Variants in THSD7A observed in about 807,000 individuals in gnomAD.
THSD7A encodes the protein thrombospondin type-1 domain-containing protein 7A.
A neutral mutation model predicts 231.3 loss-of-function variants in THSD7A; 96 were observed. The ratio of observed to expected loss-of-function variants is 0.41; its 90% CI spans 0.35 to 0.49. THSD7A has a LOEUF of 0.49. Ranked by LOEUF, THSD7A falls within the 20% of genes least tolerant of loss-of-function variation. The pLI, the probability that THSD7A is intolerant of heterozygous loss-of-function variation, is 0.05. For missense variants in THSD7A, 2,290 were observed against 2,070.2 expected, an observed-to-expected ratio of 1.11 and a Z score of -2.06; for synonymous variants, 940 against 743.3, an observed-to-expected ratio of 1.26 and a Z score of -4.30.
chr7:11,385,109 C>T (rs1782676788), intron 23 of THSD7A: 1 of 140,626 alleles, frequency 7.1e-6, no homozygotes. Context: ...AACAGTTTTG[C>T]TGGTTAAAAA....
At chr7:11,643,300 T>A (rs1782156649) in intron 1 of THSD7A, among the ~76,000 whole-genome samples, 1 of 152,058 alleles carries the variant, frequency 6.6e-6, no homozygotes, top group South Asian at 2.1e-4. Flanking sequence ...CATCTTATTT[T>A]AAAATTTTCA....
chr7:11,540,800 C>T (rs557550417), intron 6 of THSD7A, among the ~76,000 whole-genome samples: 57 of 152,206 alleles, frequency 3.7e-4, no homozygotes, highest in African/African-American at 1.3e-3. Context: ...TGTAAAAGTC[C>T]AAGGTAATTC....
chr7:11,621,003 G>A (rs1389851875), intron 2 of THSD7A, among the ~76,000 whole-genome samples: 1 of 152,114 alleles, frequency 6.6e-6, no homozygotes, highest in Non-Finnish European at 1.5e-5. Context: ...GAAATGGGAG[G>A]TAAAATGAAA....
intron 9 of THSD7A, among the ~76,000 whole-genome samples, chr7:11,466,706 G>A (rs959577167): frequency 6.6e-6 from 1 of 152,084 alleles, no homozygotes; most frequent in Non-Finnish European, 1.5e-5. Context: ...GACATGACCT[G>A]TGTTCAGGGA....
chr7:11,820,303 G>A lies in THSD7A; in HGVS notation c.190+11454C>T, dbSNP rs143740598. On this transcript the variant is annotated intron_variant, in intron 1 of 27. Coordinates refer to ENST00000423059, the MANE Select transcript of THSD7A (RefSeq NM_015204.3). ...CTCTCTCCCCTGGGCAAGGAATTCC[G>A]TAAAGAGTGGACCCTACTCGGTTGT... The A allele has an allele frequency of 7.7e-4, 469 of 609,598 alleles. 2 individuals are homozygous for A. Among genetic ancestry groups the A allele is most frequent in the African/African-American group, 7.5e-3 (392 of 52,278 alleles). 37.8% of individuals were successfully genotyped at this position (609,598 alleles called of 1,614,324 possible). A position where few individuals can be genotyped will look rare whatever the true frequency, so the allele number is the denominator to read the frequency against.
At chr7:11,677,878 T>C (rs1783705400) in intron 1 of THSD7A, among the ~76,000 whole-genome samples, 1 of 152,034 alleles carries the variant, frequency 6.6e-6, no homozygotes, top group South Asian at 2.1e-4. Flanking sequence ...CCACCCCAAA[T>C]TGACAGAATA....
chr7:11,500,748 A>G (rs931565063), intron 6 of THSD7A, among the ~76,000 whole-genome samples: 9 of 152,056 alleles, frequency 5.9e-5, no homozygotes, highest in African/African-American at 2.2e-4. Context: ...CAGCCTGGCC[A>G]AGATGGTGAA....
chr7:11,723,260 G>C (rs1372279675), intron 1 of THSD7A, among the ~76,000 whole-genome samples: 2 of 149,152 alleles, frequency 1.3e-5, no homozygotes, highest in African/African-American at 4.9e-5. Flanking sequence ...TCAATCATAG[G>C]TGGGAATTGA....
chr7:11,619,633 G>C (rs1781236878), intron 2 of THSD7A, among the ~76,000 whole-genome samples: 1 of 151,532 alleles, frequency 6.6e-6, no homozygotes, highest in Non-Finnish European at 1.5e-5. Context: ...TCTTGTCCAG[G>C]CTCGTCTTCA....
chr7:11,801,044 G>A (rs973699452), intron 1 of THSD7A, among the ~76,000 whole-genome samples: 2 of 152,130 alleles, frequency 1.3e-5, no homozygotes, highest in Non-Finnish European at 2.9e-5. Context: ...GCTCACGCCT[G>A]TAATCCTAGC....
chr7:11,399,694 C>T (rs1783325003), intron 23 of THSD7A, among the ~76,000 whole-genome samples: 2 of 152,150 alleles, frequency 1.3e-5, no homozygotes, highest in South Asian at 2.1e-4. Context: ...GAAATAGGAA[C>T]ACTTTTACAC....
chr7:11,717,885 T>A (rs1781197854), intron 1 of THSD7A, among the ~76,000 whole-genome samples: 1 of 151,668 alleles, frequency 6.6e-6, no homozygotes, highest in Non-Finnish European at 1.5e-5. Context: ...TCTATGATAT[T>A]TTTTGTAAAG....
intron 4 of THSD7A, among the ~76,000 whole-genome samples, chr7:11,570,349 G>A (rs573218569): frequency 1.3e-5 from 2 of 152,254 alleles, no homozygotes; most frequent in South Asian, 4.1e-4. Context: ...AGACAGAGAA[G>A]GGTAGTGGAA....
intron 6 of THSD7A, among the ~76,000 whole-genome samples, chr7:11,517,482 T>A (rs1788082745): frequency 6.6e-6 from 1 of 151,064 alleles, no homozygotes; most frequent in Admixed American, 6.6e-5. Context: ...ATAGATACAC[T>A]AAGTATAACA....
At chr7:11,462,943 A>G (rs1174889333) in intron 9 of THSD7A, among the ~76,000 whole-genome samples, 1 of 152,178 alleles carries the variant, frequency 6.6e-6, no homozygotes, top group Non-Finnish European at 1.5e-5. Flanking sequence ...CTTTAATAAA[A>G]TATATTTCAA....
rs186054827 is a variant in THSD7A, at chr7:11,617,054, C to A, written c.1022+19076G>T. 1.0e-3 allele frequency among the ~76,000 whole-genome samples: 152 copies of A among 152,214 alleles called. 2 individuals carry two copies. The highest frequency in any genetic ancestry group is 3.6e-3 in the African/African-American group (148 of 41,536). ...GCTATATTTGTGCATTGCAAAATAGCTGTAAGTTGTATACACAAATATATC... is the reference window on the plus strand; with the variant it reads ...GCTATATTTGTGCATTGCAAAATAGATGTAAGTTGTATACACAAATATATC... On this transcript the variant is annotated intron_variant, in intron 2 of 27. Coordinates refer to ENST00000423059, the MANE Select transcript of THSD7A (RefSeq NM_015204.3).
intron 1 of THSD7A, among the ~76,000 whole-genome samples, chr7:11,727,636 A>C (rs534369934): frequency 6.6e-6 from 1 of 152,136 alleles, no homozygotes; most frequent in South Asian, 2.1e-4. Context: ...TGTTTCAAGA[A>C]AGTGAAAAAC....
At chr7:11,404,140 T>A (rs1259400165) in intron 22 of THSD7A, among the ~76,000 whole-genome samples, 2 of 151,394 alleles carry the variant, frequency 1.3e-5, no homozygotes, top group East Asian at 3.8e-4. Context: ...TATAATCTTA[T>A]ATATTATATA....
chr7:11,785,237 T>C (rs1045167392), intron 1 of THSD7A, among the ~76,000 whole-genome samples: 1 of 152,160 alleles, frequency 6.6e-6, no homozygotes, highest in Non-Finnish European at 1.5e-5. Flanking sequence ...TAACTCATTT[T>C]TTCAGAGACG....
Sources: gnomAD v4.1 joint callset for allele counts (sites outside exome capture counted in the v4.1 genomes callset) on GRCh38, gnomAD v4.1.1 for gene constraint, MANE v1.5 for transcripts, NCBI Gene and HGNC (gene_info 2026-07-23, HGNC 2026-07-21) for gene names.